The following ERC2 variants were observed in gnomAD, a reference collection of about 807,000 sequenced individuals.
The protein encoded by ERC2 is ELKS/RAB6-interacting/CAST family member 2.
Under a neutral mutation model 114.8 loss-of-function variants are expected in ERC2, and 42 were observed. That is an observed-to-expected ratio of 0.37 (90% CI 0.29 to 0.47). ERC2 has a LOEUF of 0.47. Ranked by LOEUF, ERC2 falls within the 20% of genes least tolerant of loss-of-function variation. The pLI is 0.99. For synonymous variants in ERC2, 454 were observed against 425.5 expected, an observed-to-expected ratio of 1.07 and a Z score of -0.82; for missense variants, 939 against 1,150.7, an observed-to-expected ratio of 0.82 and a Z score of 2.66.
At chr3:56,193,403 G>C (rs539315629) in intron 3 of ERC2, among the ~76,000 whole-genome samples, 2 of 152,034 alleles carry the variant, frequency 1.3e-5, no homozygotes, top group Admixed American at 1.3e-4. Context: ...AGCTATTCAG[G>C]AGACTGAGGC....
In ERC2 at chr3:55,675,426, G is replaced by T. The variant is rs1169329860; in HGVS notation, c.*39+8368C>A. ...CAGAGTTAAGGTACGTCTTGGTAAGGCTAATGACCTCCAGCCAATGGATGC... is the reference window on the plus strand; with the variant it reads ...CAGAGTTAAGGTACGTCTTGGTAAGTCTAATGACCTCCAGCCAATGGATGC... On this transcript the variant is annotated intron_variant, in intron 17 of 17. Coordinates refer to ENST00000288221, the MANE Select transcript of ERC2 (RefSeq NM_015576.3). Among the ~76,000 whole-genome samples, 14 of 152,292 alleles carry T rather than the reference G, an allele frequency of 9.2e-5. No individual in the cohort carries two copies. In the South Asian group the frequency reaches 2.7e-3, roughly 29 times the overall value.
chr3:55,845,276 G>A (rs1341598753), intron 14 of ERC2, among the ~76,000 whole-genome samples: 4 of 152,080 alleles, frequency 2.6e-5, no homozygotes, highest in Non-Finnish European at 5.9e-5. Context: ...AGGCCGAGGC[G>A]GGCGGATCAC....
At chr3:56,382,822 C>T (rs2059800559) in intron 2 of ERC2, among the ~76,000 whole-genome samples, 1 of 152,084 alleles carries the variant, frequency 6.6e-6, no homozygotes. Flanking sequence ...CTTGCTATCT[C>T]ATCCCTGGAC....
intron 6 of ERC2, among the ~76,000 whole-genome samples, chr3:56,133,296 G>A (rs2080312046): frequency 6.6e-6 from 1 of 152,104 alleles, no homozygotes; most frequent in East Asian, 1.9e-4. Context: ...AATTAGCTGG[G>A]TATGGTGTTG....
intron 13 of ERC2, among the ~76,000 whole-genome samples, chr3:55,902,483 A>T (rs11130487): frequency 2.0e-5 from 3 of 152,002 alleles, no homozygotes; most frequent in Non-Finnish European, 2.9e-5. Flanking sequence ...CCAAACAGTC[A>T]GTTCTCCCCA....
chr3:55,705,953 G>C (rs1284749391), intron 15 of ERC2, among the ~76,000 whole-genome samples: 1 of 152,018 alleles, frequency 6.6e-6, no homozygotes, highest in Admixed American at 6.6e-5. Context: ...CTGCAGCTTG[G>C]ATGGACAGTC....
chr3:56,236,243 A>T (rs1034567595), intron 3 of ERC2, among the ~76,000 whole-genome samples: 1 of 152,080 alleles, frequency 6.6e-6, no homozygotes, highest in African/African-American at 2.4e-5. Context: ...AGAGGGCTGC[A>T]TATAGATTTG....
At chr3:56,314,500 G>C (rs1290572631) in intron 2 of ERC2, among the ~76,000 whole-genome samples, 1 of 150,278 alleles carries the variant, frequency 6.7e-6, no homozygotes, top group Non-Finnish European at 1.5e-5. Flanking sequence ...TGCAATTCCA[G>C]TGGGTGGGGG....
At chr3:55,716,882 A>G (rs815409) in intron 15 of ERC2, among the ~76,000 whole-genome samples, 88,705 of 152,046 alleles carry the variant, frequency 0.58, 26,214 homozygotes, top group South Asian at 0.71. Flanking sequence ...GGCTATCTAT[A>G]TATGGAGACC....
At position 56,465,170 on chromosome 3, in the gene ERC2, A is replaced by T. The variant is rs1577083862; in HGVS notation, c.-141+3078T>A. 3.3e-5 allele frequency among the ~76,000 whole-genome samples: 5 copies of T among 152,314 alleles called. No homozygotes were observed. The South Asian group carries it at 1.0e-3, about 32-fold the overall frequency. On this transcript the variant is annotated intron_variant, in intron 1 of 17. Transcript: ENST00000288221. ...TGCCAGCACTTTGGGAGGCCAAGGC[A>T]GGAGGATCACCTGAGGTCAGGAGTT...
intron 14 of ERC2, among the ~76,000 whole-genome samples, chr3:55,828,334 A>G (rs914741209): frequency 7.9e-5 from 12 of 152,212 alleles, no homozygotes; most frequent in Admixed American, 7.2e-4. Context: ...TTCCTGGGGA[A>G]ACCTGTCTTT....
intron 6 of ERC2, among the ~76,000 whole-genome samples, chr3:56,117,316 C>T (rs1483222407): frequency 6.6e-6 from 1 of 152,198 alleles, no homozygotes; most frequent in Non-Finnish European, 1.5e-5. Context: ...ATTGTGCTTT[C>T]TCACTTATCT....
rs897831147 is a variant in ERC2, at chr3:56,307,843, C to T, written c.658-11408G>A. The stretch of plus-strand genomic sequence containing the variant: ...ACACACACTTGCACACACACACACA[C>T]ACACACACACACACACACAGAATGA... On this transcript the variant is annotated intron_variant, in intron 2 of 17. Transcript: ENST00000288221. Among the ~76,000 whole-genome samples, 1,370 of 152,104 alleles carry T rather than the reference C, an allele frequency of 9.0e-3. 18 individuals carry two copies. Among genetic ancestry groups the T allele is most frequent in the African/African-American group, 0.03 (1,247 of 41,468 alleles).
In ERC2 at chr3:56,279,093, C is replaced by A. The variant is rs557533700; in HGVS notation, c.1074+16926G>T. On this transcript the variant is annotated intron_variant, in intron 3 of 17. Transcript: ENST00000288221. ...AGCTAGGGGAGAGACATACAGAAACCCTCTGCCTGATTTTTGCAAATTTTC... is the reference window on the plus strand; with the variant it reads ...AGCTAGGGGAGAGACATACAGAAACACTCTGCCTGATTTTTGCAAATTTTC... Among the ~76,000 whole-genome samples the A allele has an allele frequency of 6.8e-4, 103 of 152,176 alleles. 1 individual carries two copies. Among genetic ancestry groups the A allele is most frequent in the African/African-American group, 2.4e-3 (101 of 41,504 alleles).
intron 2 of ERC2, among the ~76,000 whole-genome samples, chr3:56,394,135 C>A (rs1430010657): frequency 6.6e-6 from 1 of 152,134 alleles, no homozygotes; most frequent in Non-Finnish European, 1.5e-5. Flanking sequence ...GGCAAGGTTT[C>A]TTATTTACCA....
chr3:55,733,462 T>TCACACA (rs778422761), intron 15 of ERC2, among the ~76,000 whole-genome samples: 1 of 101,472 alleles, frequency 9.9e-6, no homozygotes, highest in African/African-American at 3.4e-5. Flanking sequence ...TCTCTCTCTC[T>TCACACA]CTCACACACA....
chr3:55,943,029 T>C (rs112826508), intron 13 of ERC2, among the ~76,000 whole-genome samples: 307 of 152,336 alleles, frequency 2.0e-3, no homozygotes, highest in African/African-American at 7.2e-3. Flanking sequence ...CAGTGTGTCA[T>C]GCACTGTAAT....
At chr3:56,022,564 G>A (rs1342438799) in intron 7 of ERC2, among the ~76,000 whole-genome samples, 4 of 152,076 alleles carry the variant, frequency 2.6e-5, no homozygotes, top group African/African-American at 4.8e-5. Flanking sequence ...TTAAAAAAAA[G>A]TACTGCACAG....
intron 3 of ERC2, among the ~76,000 whole-genome samples, chr3:56,192,746 T>C (rs1170006341): frequency 6.6e-6 from 1 of 151,938 alleles, no homozygotes; most frequent in African/African-American, 2.4e-5. Context: ...AGAGGGGCAA[T>C]GGGGTCTTGG....
Sources: gnomAD v4.1 joint callset for allele counts (sites outside exome capture counted in the v4.1 genomes callset) on GRCh38, gnomAD v4.1.1 for gene constraint, MANE v1.5 for transcripts, NCBI Gene and HGNC (gene_info 2026-07-23, HGNC 2026-07-21) for gene names.